Variants in INPP4B observed in about 807,000 individuals in gnomAD.
INPP4B encodes inositol polyphosphate-4-phosphatase type II B.
Under a neutral mutation model 122.5 loss-of-function variants are expected in INPP4B, and 55 were observed. The ratio of observed to expected loss-of-function variants is 0.45; its 90% CI spans 0.36 to 0.56. The LOEUF is 0.56. INPP4B is among the 20% of genes least tolerant of loss of function. The pLI, the probability that INPP4B is intolerant of heterozygous loss-of-function variation, is 0.00. For synonymous variants in INPP4B, 403 were observed against 388.7 expected (o/e 1.04, Z -0.43); for missense variants, 1,000 against 1,097.7 (o/e 0.91, Z 1.26).
intron 2 of INPP4B, among the ~76,000 whole-genome samples, chr4:142,538,177 G>A (rs1828513519): frequency 6.6e-6 from 1 of 152,016 alleles, no homozygotes; most frequent in Admixed American, 6.6e-5. Context: ...TCATGTAAGT[G>A]GTTTCCCATA....
intron 2 of INPP4B, among the ~76,000 whole-genome samples, chr4:142,468,955 T>C (rs1313498919): frequency 6.6e-6 from 1 of 152,176 alleles, no homozygotes; most frequent in Non-Finnish European, 1.5e-5. Context: ...TATTCACATA[T>C]AGCTACTAGA....
intron 7 of INPP4B, among the ~76,000 whole-genome samples, chr4:142,350,844 G>A (rs1051789168): frequency 6.6e-6 from 1 of 152,000 alleles, no homozygotes; most frequent in Non-Finnish European, 1.5e-5. Flanking sequence ...TGTCCATTCT[G>A]TAAACTTCAT....
intron 16 of INPP4B, among the ~76,000 whole-genome samples, chr4:142,161,022 A>T (rs997793589): frequency 5.9e-5 from 9 of 152,080 alleles, no homozygotes; most frequent in Non-Finnish European, 1.3e-4. Flanking sequence ...TAAAGACTAA[A>T]GAAAGACATA....
chr4:142,226,784 T>C (rs1851775401), intron 12 of INPP4B, among the ~76,000 whole-genome samples: 1 of 152,118 alleles, frequency 6.6e-6, no homozygotes, highest in Non-Finnish European at 1.5e-5. Context: ...TTGGGCTAAA[T>C]TGTGGAATTA....
intron 2 of INPP4B, among the ~76,000 whole-genome samples, chr4:142,621,275 T>C (rs902585323): frequency 1.4e-4 from 22 of 151,936 alleles, no homozygotes; most frequent in African/African-American, 4.3e-4. Context: ...AGAATACTGT[T>C]TGTGAGAAAC....
At chr4:142,147,740 A>G (rs1171323005) in intron 17 of INPP4B, among the ~76,000 whole-genome samples, 1 of 152,226 alleles carries the variant, frequency 6.6e-6, no homozygotes, top group Non-Finnish European at 1.5e-5. Context: ...ACAAGCGATT[A>G]TAACAATCTT....
intron 7 of INPP4B, among the ~76,000 whole-genome samples, chr4:142,333,426 A>T (rs899928017): frequency 2.0e-5 from 3 of 152,254 alleles, no homozygotes; most frequent in African/African-American, 7.2e-5. Context: ...TTTCTAAAAG[A>T]CCAAATCTTT....
intron 11 of INPP4B, among the ~76,000 whole-genome samples, chr4:142,245,434 G>A (rs536419909): frequency 4.6e-5 from 7 of 152,050 alleles, no homozygotes; most frequent in Non-Finnish European, 7.4e-5. Context: ...TTCTACATAC[G>A]GCTAGCCAGT....
chr4:142,256,634 A>G (rs1305991956), intron 11 of INPP4B, among the ~76,000 whole-genome samples: 1 of 152,078 alleles, frequency 6.6e-6, no homozygotes, highest in African/African-American at 2.4e-5. Flanking sequence ...CAACACATAC[A>G]CTCTCCCAAG....
At chr4:142,718,403 G>A (rs921326267) in intron 2 of INPP4B, among the ~76,000 whole-genome samples, 1 of 152,098 alleles carries the variant, frequency 6.6e-6, no homozygotes, top group African/African-American at 2.4e-5. Flanking sequence ...TATAAATTAC[G>A]AAGAAAGTGG....
chr4:142,759,043 CTCTT>C (rs1770917676), intron 1 of INPP4B, among the ~76,000 whole-genome samples: 1 of 151,880 alleles, frequency 6.6e-6, no homozygotes, highest in Non-Finnish European at 1.5e-5. Flanking sequence ...ATGTGACTGT[CTCTT>C]TATGCATGCT....
chr4:142,314,825 G>A (rs1351185648), intron 7 of INPP4B, 63 bp from the exon 8 acceptor site: 1 of 1,340,670 alleles, frequency 7.5e-7, no homozygotes, highest in East Asian at 2.5e-5. Flanking sequence ...GCCTCGCACA[G>A]GTGCTGGGTT....
chr4:142,556,908 T>C (rs1196000801), intron 2 of INPP4B, among the ~76,000 whole-genome samples: 1 of 152,156 alleles, frequency 6.6e-6, no homozygotes, highest in Non-Finnish European at 1.5e-5. Flanking sequence ...GTCAGGAGAA[T>C]AGAAGACAGA....
chr4:142,539,175 T>A (rs1448139187), intron 2 of INPP4B, among the ~76,000 whole-genome samples: 1 of 150,568 alleles, frequency 6.6e-6, no homozygotes, highest in Non-Finnish European at 1.5e-5. Context: ...ATATATATAC[T>A]GCCAGATACC....
chr4:142,621,994 G>A (rs1560877181), intron 2 of INPP4B, among the ~76,000 whole-genome samples: 1 of 151,904 alleles, frequency 6.6e-6, no homozygotes, highest in Non-Finnish European at 1.5e-5. Context: ...AGGTTATACA[G>A]TAAGTAAATT....
intron 2 of INPP4B, among the ~76,000 whole-genome samples, chr4:142,663,146 T>A (rs974093752): frequency 6.6e-5 from 10 of 152,260 alleles, no homozygotes; most frequent in African/African-American, 2.4e-4. Flanking sequence ...AGGTATGAAG[T>A]ACAATGGGTG....
chr4:142,535,439 G>C (rs1348004677), intron 2 of INPP4B, among the ~76,000 whole-genome samples: 2 of 152,112 alleles, frequency 1.3e-5, no homozygotes, highest in East Asian at 3.9e-4. Flanking sequence ...ACTTTCCTTG[G>C]GAGGATCTGC....
At chr4:142,173,584 A>G in intron 16 of INPP4B, 48 bp downstream of exon 16, 1 of 1,521,182 alleles carries the variant, frequency 6.6e-7, no homozygotes, top group Non-Finnish European at 9.0e-7. Context: ...GACCAATGGG[A>G]ATTTGAGTAT....
chr4:142,463,546 T>A (rs1024746518), intron 2 of INPP4B, among the ~76,000 whole-genome samples: 1 of 152,198 alleles, frequency 6.6e-6, no homozygotes, highest in Admixed American at 6.5e-5. Context: ...TAATAAAGCA[T>A]GACTATGATT....
Sources: gnomAD v4.1 joint callset for allele counts (sites outside exome capture counted in the v4.1 genomes callset) on GRCh38, gnomAD v4.1.1 for gene constraint, MANE v1.5 for transcripts, NCBI Gene and HGNC (gene_info 2026-07-23, HGNC 2026-07-21) for gene names.